Variants in TENM3 observed in about 807,000 individuals in gnomAD.
The protein encoded by TENM3 is teneurin transmembrane protein 3.
A neutral mutation model predicts 255.1 loss-of-function variants in TENM3; 63 were observed. The ratio of observed to expected loss-of-function variants is 0.25; its 90% CI spans 0.20 to 0.30. The LOEUF is 0.30. TENM3 is among the 10% of genes least tolerant of loss of function. The pLI is 1.00. For synonymous variants in TENM3, 1,306 were observed against 1,322.3 expected (o/e 0.99, Z 0.27); for missense variants, 2,929 against 3,461.1 (o/e 0.85, Z 3.86).
chr4:182,127,916 G>T, the TENM3 span, among the ~76,000 whole-genome samples: 1 of 151,892 alleles, frequency 6.6e-6, no homozygotes, highest in East Asian at 1.9e-4. Context: ...ATCAAATTTA[G>T]ACATTAAGAG....
the TENM3 span, among the ~76,000 whole-genome samples, chr4:181,691,233 T>A: frequency 8.9e-4 from 99 of 111,216 alleles, no homozygotes; most frequent in African/African-American, 2.5e-3. Flanking sequence ...ACAAATATGA[T>A]CTTGTGTGTG....
chr4:181,491,879 T>C, the TENM3 span, among the ~76,000 whole-genome samples: 1 of 152,166 alleles, frequency 6.6e-6, no homozygotes, highest in African/African-American at 2.4e-5. Context: ...AAGGAAAAAG[T>C]GAATACCACT....
At chr4:182,654,194 G>A (rs1446261441) in intron 6 of TENM3, among the ~76,000 whole-genome samples, 1 of 152,076 alleles carries the variant, frequency 6.6e-6, no homozygotes, top group Admixed American at 6.5e-5. Flanking sequence ...ATAATTCAGT[G>A]TATCATCTCT....
intron 13 of TENM3, among the ~76,000 whole-genome samples, chr4:182,720,891 C>A (rs1262132434): frequency 1.3e-5 from 2 of 151,880 alleles, no homozygotes; most frequent in African/African-American, 4.8e-5. Flanking sequence ...CCTCAGCCTC[C>A]CGAGTAGCTG....
At chr4:181,986,858 T>C in the TENM3 span, among the ~76,000 whole-genome samples, 14 of 152,086 alleles carry the variant, frequency 9.2e-5, no homozygotes, top group Admixed American at 3.3e-4. Flanking sequence ...AAGGTGTTTA[T>C]TTGCATAATA....
At chr4:182,341,128 C>G (rs115745385) in intron 2 of TENM3, among the ~76,000 whole-genome samples, 2,913 of 152,082 alleles carry the variant, frequency 0.019, 42 homozygotes, top group Non-Finnish European at 0.03. Context: ...TGAGCTTCCC[C>G]TAGAAGAGGC....
At chr4:181,572,094 A>G in the TENM3 span, among the ~76,000 whole-genome samples, 1 of 152,220 alleles carries the variant, frequency 6.6e-6, no homozygotes, top group Non-Finnish European at 1.5e-5. Context: ...CACTGTTCTG[A>G]TAAAATATGA....
chr4:182,763,264 A>G (rs1730868190), intron 22 of TENM3, among the ~76,000 whole-genome samples: 1 of 152,190 alleles, frequency 6.6e-6, no homozygotes, highest in African/African-American at 2.4e-5. Flanking sequence ...TTCTGTTTCA[A>G]ACTCAAGAAA....
rs1469601066 is a variant in TENM3, at chr4:182,800,073, C to G, written c.7822C>G (p.Arg2608Gly). ...MQFGALALHV[R>G]YGMTLDEEKA... ...GTTCGGCGCGCTGGCGCTGCACGTGCGCTACGGCATGACCCTGGACGAGGA... is the reference window on the plus strand; with the variant it reads ...GTTCGGCGCGCTGGCGCTGCACGTGGGCTACGGCATGACCCTGGACGAGGA... Residue 2608 changes from arginine (R) to glycine (G), a missense_variant, in exon 28 of 28, where the codon CGC (arginine) becomes GGC (glycine). Around this residue, in one of 6 missense-constraint regions of TENM3, gnomAD observed 476 missense variants for 480.1 expected, o/e 0.99. Coordinates refer to ENST00000511685, the MANE Select transcript of TENM3 (RefSeq NM_001080477.4). The G allele has an allele frequency of 6.2e-7, 1 of 1,601,328 alleles. No individual in the cohort carries two copies. Among genetic ancestry groups the G allele is most frequent in the South Asian group, 1.1e-5 (1 of 89,300 alleles).
At chr4:181,733,286 A>C in the TENM3 span, among the ~76,000 whole-genome samples, 2 of 152,340 alleles carry the variant, frequency 1.3e-5, no homozygotes, top group South Asian at 4.1e-4. Context: ...TTATGTTTAA[A>C]AGTGGTCTTA....
At chr4:182,652,331 A>C (rs1450274908) in intron 5 of TENM3, among the ~76,000 whole-genome samples, 2 of 152,126 alleles carry the variant, frequency 1.3e-5, no homozygotes, top group Non-Finnish European at 2.9e-5. Context: ...GACAGAAGGG[A>C]CTGTTTATTG....
chr4:182,606,517 C>CT (rs2152422958), intron 4 of TENM3, among the ~76,000 whole-genome samples: 1 of 100,914 alleles, frequency 9.9e-6, no homozygotes, highest in African/African-American at 4.0e-5. Context: ...GAGGGAGACT[C>CT]TGTCTCAAAA....
chr4:182,224,533 T>C (rs1218667337), intron 1 of TENM3, among the ~76,000 whole-genome samples: 1 of 152,198 alleles, frequency 6.6e-6, no homozygotes, highest in Admixed American at 6.5e-5. Flanking sequence ...ATTATTGTTA[T>C]TTAAAACGTA....
chr4:182,678,424 G>T (rs1188862816), intron 7 of TENM3, among the ~76,000 whole-genome samples: 2 of 152,114 alleles, frequency 1.3e-5, no homozygotes, highest in Admixed American at 6.5e-5. Context: ...TAACTGTTTA[G>T]ATCAAAGATG....
In TENM3 at chr4:182,738,388, G is replaced by C; in HGVS notation, c.3236-13G>C. ...TCGTTGGAAAGATGAGCTGTGATTT[G>C]TTTGGATTCCAGTGTCAGTTGGATA... On this transcript the variant is annotated splice_polypyrimidine_tract_variant and intron_variant, in intron 17 of 27. Transcript: ENST00000511685. The C allele has an allele frequency of 6.3e-7, 1 of 1,586,678 alleles. No individual in the cohort carries two copies. The highest frequency in any genetic ancestry group is 8.6e-7 in the Non-Finnish European group (1 of 1,167,134).
At chr4:182,335,351 C>T (rs919133380) in intron 2 of TENM3, among the ~76,000 whole-genome samples, 17 of 142,282 alleles carry the variant, frequency 1.2e-4, no homozygotes, top group Non-Finnish European at 2.1e-4. Flanking sequence ...AAAAATTAGC[C>T]GGGCGCGGTG....
chr4:182,108,497 T>A, the TENM3 span, among the ~76,000 whole-genome samples: 4 of 152,290 alleles, frequency 2.6e-5, no homozygotes, highest in East Asian at 5.8e-4. Context: ...CACAAAATAA[T>A]GCAATTCAGT....
chr4:181,773,510 C>T, the TENM3 span, among the ~76,000 whole-genome samples: 2 of 152,154 alleles, frequency 1.3e-5, no homozygotes, highest in African/African-American at 4.8e-5. Flanking sequence ...ATGCTCTATG[C>T]GAAGCCCCAG....
intron 22 of TENM3, among the ~76,000 whole-genome samples, chr4:182,765,324 A>C (rs980413880): frequency 2.0e-5 from 3 of 152,200 alleles, no homozygotes; most frequent in African/African-American, 7.2e-5. Context: ...GTGGCTTCAT[A>C]ATAAAAGACA....
Sources: gnomAD v4.1 joint callset for allele counts (sites outside exome capture counted in the v4.1 genomes callset) on GRCh38, gnomAD v4.1.1 for gene constraint, gnomAD v4.1.1 regional missense constraint, MANE v1.5 for transcripts, NCBI Gene and HGNC (gene_info 2026-07-23, HGNC 2026-07-21) for gene names.